Variants in LRMDA observed in about 807,000 individuals in gnomAD.
LRMDA encodes the protein leucine rich melanocyte differentiation associated.
A neutral mutation model predicts 29.8 loss-of-function variants in LRMDA; 18 were observed. The ratio of observed to expected loss-of-function variants is 0.60; its 90% CI spans 0.42 to 0.90. The LOEUF is 0.90. LRMDA is among the 40% of genes least tolerant of loss of function. The probability of loss-of-function intolerance (pLI) is 0.00; values close to 1 mark genes in which losing one functional copy is unlikely to be tolerated. For missense variants in LRMDA, 273 were observed against 273.9 expected, an observed-to-expected ratio of 1.00 and a Z score of 0.02; for synonymous variants, 125 against 109.4, an observed-to-expected ratio of 1.14 and a Z score of -0.89.
intron 2 of LRMDA, among the ~76,000 whole-genome samples, chr10:76,014,110 ATATATATATATATAAT>A (rs1564630424): frequency 3.7e-5 from 5 of 134,046 alleles, no homozygotes; most frequent in African/African-American, 1.4e-4. Context: ...AAAAAAGTAT[ATATATATATATATAAT>A]TATATATATA....
chr10:76,122,348 C>T lies in LRMDA; in HGVS notation c.516+63565C>T, dbSNP rs184921082. Among the ~76,000 whole-genome samples, 234 of 152,046 alleles carry T rather than the reference C, an allele frequency of 1.5e-3. 1 individual carries two copies. The highest frequency in any genetic ancestry group is 5.2e-3 in the African/African-American group (215 of 41,478). On this transcript the variant is annotated intron_variant, in intron 5 of 6. Transcript: ENST00000611255. ...GTGCCAGCAGCCCTTTTAAACCCAT[C>T]GGCACCTTCAGGTGTTTTCCTTCCC...
chr10:76,193,253 C>G (rs1327902915), intron 5 of LRMDA, among the ~76,000 whole-genome samples: 1 of 152,154 alleles, frequency 6.6e-6, no homozygotes, highest in African/African-American at 2.4e-5. Flanking sequence ...GGGGATAGTG[C>G]TCCATTAAAG....
At chr10:75,918,329 C>T (rs1364012990) in intron 2 of LRMDA, among the ~76,000 whole-genome samples, 1 of 152,054 alleles carries the variant, frequency 6.6e-6, no homozygotes, top group African/African-American at 2.4e-5. Flanking sequence ...GCTCACAGTT[C>T]TACAGGCTGT....
intron 1 of LRMDA, among the ~76,000 whole-genome samples, chr10:75,436,095 C>T (rs1199465492): frequency 6.6e-6 from 1 of 151,646 alleles, no homozygotes; most frequent in Non-Finnish European, 1.5e-5. Context: ...AATCTCACAC[C>T]CACACATGGA....
At chr10:76,435,101 A>G (rs1051595202) in intron 6 of LRMDA, among the ~76,000 whole-genome samples, 1 of 152,206 alleles carries the variant, frequency 6.6e-6, no homozygotes, top group Non-Finnish European at 1.5e-5. Context: ...ATAAACTAAG[A>G]ATAATCTATA....
chr10:75,693,747 C>T (rs1842199035), intron 2 of LRMDA, among the ~76,000 whole-genome samples: 1 of 152,086 alleles, frequency 6.6e-6, no homozygotes, highest in African/African-American at 2.4e-5. Context: ...AGAAAAATGT[C>T]TGGAAAATAT....
intron 2 of LRMDA, among the ~76,000 whole-genome samples, chr10:75,618,386 A>C (rs60788006): frequency 0.13 from 11,907 of 88,472 alleles, 490 homozygotes; most frequent in African/African-American, 0.16. Context: ...CTCTCTCTAT[A>C]TATATATATA....
chr10:75,956,370 T>C (rs548547903), intron 2 of LRMDA, among the ~76,000 whole-genome samples: 13 of 152,308 alleles, frequency 8.5e-5, no homozygotes, highest in Admixed American at 5.9e-4. Context: ...CTTATTGTGT[T>C]TGTCTATTGG....
chr10:76,372,536 C>T (rs566473862), intron 6 of LRMDA, among the ~76,000 whole-genome samples: 16 of 151,610 alleles, frequency 1.1e-4, no homozygotes, highest in African/African-American at 3.9e-4. Flanking sequence ...TCACTTGAAC[C>T]GAGGAGGCAG....
intron 2 of LRMDA, among the ~76,000 whole-genome samples, chr10:75,570,036 T>C (rs1396855809): frequency 6.6e-6 from 1 of 152,230 alleles, no homozygotes; most frequent in Non-Finnish European, 1.5e-5. Flanking sequence ...CAATAGCTTA[T>C]ATTTATATGG....
At chr10:76,531,247 A>G (rs149779542) in intron 6 of LRMDA, among the ~76,000 whole-genome samples, 2 of 152,314 alleles carry the variant, frequency 1.3e-5, no homozygotes, top group African/African-American at 4.8e-5. Flanking sequence ...AATACCCAGT[A>G]ATGGATCGTT....
At chr10:75,704,117 C>T (rs956752125) in intron 2 of LRMDA, among the ~76,000 whole-genome samples, 5 of 152,150 alleles carry the variant, frequency 3.3e-5, no homozygotes, top group African/African-American at 7.2e-5. Flanking sequence ...AATACTCTGA[C>T]ATATTTTAGA....
chr10:75,824,039 T>G (rs1048549710), intron 2 of LRMDA, among the ~76,000 whole-genome samples: 27 of 152,054 alleles, frequency 1.8e-4, no homozygotes, highest in African/African-American at 6.3e-4. Flanking sequence ...TAGGGTACAG[T>G]GTGCACTATT....
chr10:75,896,317 A>G (rs1845580921), intron 2 of LRMDA, among the ~76,000 whole-genome samples: 1 of 152,242 alleles, frequency 6.6e-6, no homozygotes, highest in Admixed American at 6.5e-5. Flanking sequence ...CAAGGAAAAC[A>G]GTATTACCTA....
intron 2 of LRMDA, among the ~76,000 whole-genome samples, chr10:75,788,418 A>G (rs4746329): frequency 0.65 from 99,572 of 152,036 alleles, 33,167 homozygotes; most frequent in South Asian, 0.78. Context: ...AGTTTTAAGC[A>G]GGAAGGAAGA....
intron 6 of LRMDA, among the ~76,000 whole-genome samples, chr10:76,556,690 T>G (rs1344973792): frequency 6.6e-6 from 1 of 152,162 alleles, no homozygotes; most frequent in African/African-American, 2.4e-5. Context: ...CTCTCTTCCT[T>G]AATCATCCCA....
chr10:76,238,869 G>A (rs1852214550), intron 5 of LRMDA, among the ~76,000 whole-genome samples: 1 of 151,662 alleles, frequency 6.6e-6, no homozygotes, highest in Non-Finnish European at 1.5e-5. Context: ...TTACACACTT[G>A]GCAGGAAGGA....
At chr10:76,507,423 GT>G (rs76505295) in intron 6 of LRMDA, among the ~76,000 whole-genome samples, 4,273 of 151,568 alleles carry the variant, frequency 0.028, 155 homozygotes, top group African/African-American at 0.077. Context: ...TATTGTTTTT[GT>G]TTTTTGCTAT....
chr10:76,003,722 G>T (rs1847600591), intron 2 of LRMDA, among the ~76,000 whole-genome samples: 1 of 152,154 alleles, frequency 6.6e-6, no homozygotes, highest in African/African-American at 2.4e-5. Flanking sequence ...ATTATAAAAT[G>T]AACTGTCTCT....
Sources: allele counts gnomAD v4.1 joint callset (sites outside exome capture counted in the v4.1 genomes callset), GRCh38; gene constraint gnomAD v4.1.1; transcripts MANE v1.5; gene names NCBI Gene and HGNC (gene_info 2026-07-23, HGNC 2026-07-21).